GRID1: variants seen among roughly 807,000 people sequenced by gnomAD.
GRID1 encodes the protein glutamate receptor ionotropic, delta-1.
GRID1 carries 28 observed loss-of-function variants against 98.0 expected under a neutral mutation model. That is an observed-to-expected ratio of 0.29 (90% confidence interval 0.21 to 0.39). GRID1 has a LOEUF of 0.39. GRID1 is among the 10% of genes least tolerant of loss of function. The pLI is 1.00. For synonymous variants in GRID1, 553 were observed against 538.5 expected (o/e 1.03, Z -0.37); for missense variants, 1,111 against 1,340.5 (o/e 0.83, Z 2.67).
chr10:85,814,202 C>A (rs1011538120), intron 8 of GRID1, among the ~76,000 whole-genome samples: 1 of 151,632 alleles, frequency 6.6e-6, no homozygotes, highest in African/African-American at 2.4e-5. Flanking sequence ...CATATACAAG[C>A]AACAATTTAA....
At chr10:85,659,891 C>T (rs1209921463) in intron 12 of GRID1, among the ~76,000 whole-genome samples, 2 of 152,198 alleles carry the variant, frequency 1.3e-5, no homozygotes, top group Admixed American at 1.3e-4. Flanking sequence ...GTTTTTGAAG[C>T]TGGTCCATGC....
intron 8 of GRID1, among the ~76,000 whole-genome samples, chr10:85,770,756 G>C (rs1461342415): frequency 6.6e-6 from 1 of 152,180 alleles, no homozygotes; most frequent in African/African-American, 2.4e-5. Context: ...GAAATGAAGT[G>C]AGAAGGGAAG....
chr10:86,139,155 G>A lies in GRID1; in HGVS notation c.521-131C>T. On this transcript the variant is annotated intron_variant, in intron 3 of 15. Transcript: ENST00000327946. ...AAAATGAGGGTCCAAGTCAGCCTCA[G>A]TGATTCCCGTAAACAGAGGTTGGAG... is the stretch of plus-strand genomic sequence containing the variant. 7.5e-6 allele frequency: 5 copies of A among 665,240 alleles called. No individual in the cohort carries two copies. In the East Asian group the frequency reaches 7.9e-5, roughly 11 times the overall value. 41.2% of individuals were successfully genotyped at this position (665,240 alleles called of 1,614,324 possible).
chr10:86,094,924 C>A (rs1011863123), intron 4 of GRID1, among the ~76,000 whole-genome samples: 2 of 152,064 alleles, frequency 1.3e-5, no homozygotes, highest in Admixed American at 1.3e-4. Flanking sequence ...CTGGAGGCAT[C>A]ACATTACCTG....
chr10:86,231,596 G>T (rs559892118), intron 2 of GRID1, among the ~76,000 whole-genome samples: 2 of 152,152 alleles, frequency 1.3e-5, no homozygotes, highest in Non-Finnish European at 2.9e-5. Context: ...CACAGTCGGG[G>T]TCATGTTATC....
chr10:85,728,662 G>A (rs1841789339), intron 9 of GRID1, among the ~76,000 whole-genome samples: 1 of 152,190 alleles, frequency 6.6e-6, no homozygotes, highest in South Asian at 2.1e-4. Context: ...TGTGAGCGAG[G>A]TGGTCATCTG....
At chr10:86,013,192 G>A (rs958373099) in intron 4 of GRID1, among the ~76,000 whole-genome samples, 3 of 152,268 alleles carry the variant, frequency 2.0e-5, no homozygotes, top group African/African-American at 2.4e-5. Context: ...TAAACTTCCC[G>A]ATTGACTCTC....
At chr10:85,662,421 A>G (rs1276296903) in intron 12 of GRID1, among the ~76,000 whole-genome samples, 1 of 152,180 alleles carries the variant, frequency 6.6e-6, no homozygotes, top group Admixed American at 6.5e-5. Context: ...AGGGGGCTTC[A>G]GGGACCACAT....
chr10:85,690,467 A>T (rs1206911529), intron 12 of GRID1, among the ~76,000 whole-genome samples: 2 of 152,164 alleles, frequency 1.3e-5, no homozygotes, highest in African/African-American at 4.8e-5. Context: ...CTATTTATTC[A>T]TGTGCCACAT....
At chr10:86,185,097 G>A (rs1306352432) in intron 3 of GRID1, among the ~76,000 whole-genome samples, 2 of 152,034 alleles carry the variant, frequency 1.3e-5, no homozygotes, top group African/African-American at 4.8e-5. Flanking sequence ...TAACAGTAAT[G>A]AGTCTTCCAA....
At chr10:85,983,053 C>T (rs144252535) in intron 4 of GRID1, among the ~76,000 whole-genome samples, 1 of 152,222 alleles carries the variant, frequency 6.6e-6, no homozygotes, top group Non-Finnish European at 1.5e-5. Flanking sequence ...CAGAAACACA[C>T]AAATTTCTGG....
intron 2 of GRID1, among the ~76,000 whole-genome samples, chr10:86,325,704 G>A (rs1351927460): frequency 2.0e-5 from 3 of 152,146 alleles, no homozygotes; most frequent in Admixed American, 6.5e-5. Flanking sequence ...AATTTGAATT[G>A]AGCACCTATT....
intron 8 of GRID1, among the ~76,000 whole-genome samples, chr10:85,783,421 T>C (rs1842398177): frequency 2.0e-5 from 3 of 152,222 alleles, no homozygotes; most frequent in African/African-American, 7.2e-5. Context: ...CCTCTCATCC[T>C]TCATGTAATC....
chr10:85,834,919 A>T (rs1302863467), intron 8 of GRID1, among the ~76,000 whole-genome samples: 1 of 152,218 alleles, frequency 6.6e-6, no homozygotes, highest in Non-Finnish European at 1.5e-5. Context: ...TAGATTTTTT[A>T]AAAATCCAAC....
chr10:85,798,016 T>C (rs779112591), intron 8 of GRID1, among the ~76,000 whole-genome samples: 5 of 152,198 alleles, frequency 3.3e-5, no homozygotes, highest in Non-Finnish European at 7.3e-5. Context: ...AATCCACCAT[T>C]GATGGGTACC....
chr10:86,088,409 G>T (rs1844095863), intron 4 of GRID1, among the ~76,000 whole-genome samples: 1 of 152,192 alleles, frequency 6.6e-6, no homozygotes, highest in Non-Finnish European at 1.5e-5. Context: ...TACTTGTTTA[G>T]CATGCAAATG....
At chr10:85,807,383 T>G (rs1842632801) in intron 8 of GRID1, among the ~76,000 whole-genome samples, 1 of 148,584 alleles carries the variant, frequency 6.7e-6, no homozygotes, top group Non-Finnish European at 1.5e-5. Context: ...AGAAAAAGAA[T>G]CTTGATTTAT....
chr10:86,015,661 G>A (rs183247529), intron 4 of GRID1, among the ~76,000 whole-genome samples: 89 of 152,278 alleles, frequency 5.8e-4, no homozygotes, highest in Non-Finnish European at 1.1e-3. Context: ...AACTGCTCTG[G>A]GGCCCAGACT....
chr10:85,744,412 C>T lies in GRID1; in HGVS notation c.1234-14798G>A, dbSNP rs138528431. ...AACAGAACAGAGCCCTCAGAAATAA[C>T]GCTGCATATCTACAACTATCTGATC... On this transcript the variant is annotated intron_variant, in intron 8 of 15. Coordinates refer to ENST00000327946, the MANE Select transcript of GRID1 (RefSeq NM_017551.3). Among the ~76,000 whole-genome samples the T allele has an allele frequency of 1.8e-3, 267 of 151,596 alleles. 2 individuals are homozygous for T. The highest frequency in any genetic ancestry group is 5.9e-3 in the African/African-American group (244 of 41,036).
Sources: gnomAD v4.1 joint callset for allele counts (sites outside exome capture counted in the v4.1 genomes callset) on GRCh38, gnomAD v4.1.1 for gene constraint, MANE v1.5 for transcripts, NCBI Gene and HGNC (gene_info 2026-07-23, HGNC 2026-07-21) for gene names.